PDE10A: variants seen among roughly 807,000 people sequenced by gnomAD.
The protein encoded by PDE10A is phosphodiesterase 10A, also known as cAMP and cAMP-inhibited cGMP 3',5'-cyclic phosphodiesterase 10A.
PDE10A carries 39 observed loss-of-function variants against 97.7 expected under a neutral mutation model. The observed-to-expected ratio is 0.40, with a 90% CI of 0.31 to 0.52. The LOEUF (loss-of-function observed/expected upper bound fraction) is 0.52, where lower values mean the gene tolerates loss of function less well. PDE10A is among the 20% of genes least tolerant of loss of function. The pLI, the probability that PDE10A is intolerant of heterozygous loss-of-function variation, is 0.56. For missense variants in PDE10A, 731 were observed against 1,047.8 expected (o/e 0.70, Z 4.17); for synonymous variants, 371 against 376.8 (o/e 0.98, Z 0.18).
chr6:165,523,857 G>A (rs1029566489), intron 2 of PDE10A, among the ~76,000 whole-genome samples: 1 of 152,166 alleles, frequency 6.6e-6, no homozygotes, highest in Non-Finnish European at 1.5e-5. Flanking sequence ...CTTGATTGAA[G>A]GTACAAAATA....
chr6:165,470,182 A>G (rs1778905881), intron 3 of PDE10A, among the ~76,000 whole-genome samples: 1 of 152,208 alleles, frequency 6.6e-6, no homozygotes, highest in African/African-American at 2.4e-5. Flanking sequence ...GTGTGCAGAT[A>G]TCACATGACC....
intron 2 of PDE10A, among the ~76,000 whole-genome samples, chr6:165,542,764 G>A (rs1389276234): frequency 6.6e-6 from 1 of 151,524 alleles, no homozygotes; most frequent in African/African-American, 2.4e-5. Flanking sequence ...GACTACAGGT[G>A]CCCACCACCA....
intron 2 of PDE10A, among the ~76,000 whole-genome samples, chr6:165,515,355 A>G (rs1781731547): frequency 6.6e-6 from 1 of 152,104 alleles, no homozygotes; most frequent in Non-Finnish European, 1.5e-5. Context: ...CTGCAATGTC[A>G]TTAACATCCA....
chr6:165,929,704 A>G (rs532102018), intron 1 of PDE10A, among the ~76,000 whole-genome samples: 17 of 152,330 alleles, frequency 1.1e-4, no homozygotes, highest in African/African-American at 4.1e-4. Flanking sequence ...GTCCCTAGCA[A>G]CATCCCCATG....
intron 1 of PDE10A, among the ~76,000 whole-genome samples, chr6:165,896,611 G>A (rs376905984): frequency 5.3e-4 from 76 of 144,248 alleles, no homozygotes; most frequent in African/African-American, 1.9e-3. Flanking sequence ...TGCAAGCTCC[G>A]CCTCCCGGGT....
chr6:165,687,250 G>GAGTTTCATATCCACGTGAGAA (rs1243745140), intron 1 of PDE10A, among the ~76,000 whole-genome samples: 2 of 152,232 alleles, frequency 1.3e-5, no homozygotes, highest in African/African-American at 2.4e-5. Flanking sequence ...GAGGCACTGG[G>GAGTTTCATATCCACGTGAGAA]AGTTTCATAT....
At chr6:165,536,657 C>T (rs956362059) in intron 2 of PDE10A, among the ~76,000 whole-genome samples, 1 of 150,926 alleles carries the variant, frequency 6.6e-6, no homozygotes, top group Non-Finnish European at 1.5e-5. Context: ...AGGTATTTCT[C>T]AAGAGGAGAA....
intron 1 of PDE10A, among the ~76,000 whole-genome samples, chr6:165,722,658 CTGAAACCATGGAAAG>C (rs1326372406): frequency 6.6e-6 from 1 of 152,128 alleles, no homozygotes; most frequent in African/African-American, 2.4e-5. Flanking sequence ...CCAGGGGTAA[CTGAAACCATGGAAAG>C]TGAAACCTTG....
intron 1 of PDE10A, among the ~76,000 whole-genome samples, chr6:165,925,211 C>A (rs1782897841): frequency 6.6e-6 from 1 of 152,160 alleles, no homozygotes; most frequent in South Asian, 2.1e-4. Context: ...ATACACCTGT[C>A]ACAATACAAA....
intron 1 of PDE10A, among the ~76,000 whole-genome samples, chr6:165,767,453 C>T (rs1483058979): frequency 1.3e-5 from 2 of 152,216 alleles, no homozygotes; most frequent in Admixed American, 1.3e-4. Context: ...TCCTCCTGCA[C>T]CCTGTCCCTG....
At chr6:165,371,424 C>G (rs1206990991) in intron 18 of PDE10A, among the ~76,000 whole-genome samples, 11 of 152,076 alleles carry the variant, frequency 7.2e-5, no homozygotes, top group Non-Finnish European at 1.6e-4. Context: ...GAAATACAAA[C>G]TACCATGAGA....
chr6:165,607,011 T>C (rs1466131704), intron 1 of PDE10A, among the ~76,000 whole-genome samples: 1 of 152,240 alleles, frequency 6.6e-6, no homozygotes, highest in Non-Finnish European at 1.5e-5. Context: ...ATTCTGTTGT[T>C]ACCTTGTCAT....
chr6:165,643,790 A>G (rs1789258381), intron 1 of PDE10A, among the ~76,000 whole-genome samples: 1 of 152,204 alleles, frequency 6.6e-6, no homozygotes, highest in African/African-American at 2.4e-5. Flanking sequence ...CATGGTTACC[A>G]TGGTTAATAA....
chr6:165,505,533 T>C (rs1781142289), intron 2 of PDE10A, among the ~76,000 whole-genome samples: 1 of 152,164 alleles, frequency 6.6e-6, no homozygotes, highest in African/African-American at 2.4e-5. Context: ...TTCAAATAAA[T>C]ATGCAGCTAG....
chr6:165,867,002 T>G (rs559705697), intron 1 of PDE10A, among the ~76,000 whole-genome samples: 6 of 151,818 alleles, frequency 4.0e-5, no homozygotes, highest in South Asian at 4.2e-4. Flanking sequence ...CACAAAAATA[T>G]AAAACTCACT....
intron 1 of PDE10A, among the ~76,000 whole-genome samples, chr6:165,904,551 T>G (rs1414871723): frequency 6.6e-6 from 1 of 152,216 alleles, no homozygotes; most frequent in Non-Finnish European, 1.5e-5. Context: ...CTCTTTATGG[T>G]ACAATTTTTT....
At chr6:165,467,775 T>C (rs557958091) in intron 3 of PDE10A, among the ~76,000 whole-genome samples, 59 of 152,240 alleles carry the variant, frequency 3.9e-4, no homozygotes, top group Admixed American at 1.9e-3. Flanking sequence ...ACTTAGTTGA[T>C]AAGGCAGAGA....
intron 1 of PDE10A, among the ~76,000 whole-genome samples, chr6:165,979,711 A>G (rs1182329316): frequency 4.6e-5 from 7 of 152,178 alleles, no homozygotes; most frequent in Non-Finnish European, 1.0e-4. Context: ...CACAGTTAAG[A>G]CACCACCACT....
At chr6:165,437,723 G>C (rs1323137108) in intron 5 of PDE10A, among the ~76,000 whole-genome samples, 2 of 152,170 alleles carry the variant, frequency 1.3e-5, no homozygotes, top group African/African-American at 4.8e-5. Context: ...CAAAACTCCA[G>C]CAGAAGGGAA....
Sources: gnomAD v4.1 joint callset for allele counts (sites outside exome capture counted in the v4.1 genomes callset) on GRCh38, gnomAD v4.1.1 for gene constraint, MANE v1.5 for transcripts, NCBI Gene and HGNC (gene_info 2026-07-23, HGNC 2026-07-21) for gene names.